SPATA13: variants seen among roughly 807,000 people sequenced by gnomAD.
SPATA13 encodes spermatogenesis associated 13, also known as spermatogenesis-associated protein 13.
Under a neutral mutation model 104.0 loss-of-function variants are expected in SPATA13, and 50 were observed. The ratio of observed to expected loss-of-function variants is 0.48; its 90% CI spans 0.38 to 0.61. The LOEUF is 0.61. SPATA13 is among the 20% of genes least tolerant of loss of function. The pLI is 0.00. For missense variants in SPATA13, 1,524 were observed against 1,690.6 expected (o/e 0.90, Z 1.73); for synonymous variants, 606 against 667.5 (o/e 0.91, Z 1.42).
At chr13:24,009,193 C>G (rs1196380055) in intron 2 of SPATA13, among the ~76,000 whole-genome samples, 1 of 152,204 alleles carries the variant, frequency 6.6e-6, no homozygotes, top group Non-Finnish European at 1.5e-5. Flanking sequence ...CAGTGCATCC[C>G]AGACATCACC....
At chr13:24,198,275 G>C (rs1282121899) in intron 1 of SPATA13, among the ~76,000 whole-genome samples, 5 of 152,122 alleles carry the variant, frequency 3.3e-5, no homozygotes, top group Admixed American at 3.3e-4. Context: ...TTACAGGCGT[G>C]AGCCACCGCA....
intron 2 of SPATA13, among the ~76,000 whole-genome samples, chr13:24,001,016 G>C (rs1210767169): frequency 6.6e-6 from 1 of 152,106 alleles, no homozygotes; most frequent in East Asian, 1.9e-4. Flanking sequence ...GTTCTTGGCT[G>C]CTGTGCTCTG....
intron 3 of SPATA13, among the ~76,000 whole-genome samples, chr13:24,142,244 A>G (rs571375276): frequency 6.6e-6 from 1 of 152,126 alleles, no homozygotes; most frequent in East Asian, 1.9e-4. Context: ...CAGGATATTA[A>G]CATGCATACA....
intron 3 of SPATA13, among the ~76,000 whole-genome samples, chr13:24,031,318 A>T (rs1877472757): frequency 1.3e-5 from 2 of 152,182 alleles, no homozygotes; most frequent in Non-Finnish European, 2.9e-5. Flanking sequence ...ACTCCCTTCC[A>T]TTGGTTTCTT....
chr13:24,017,818 C>A, intron 3 of SPATA13: 1 of 450,412 alleles, frequency 2.2e-6, no homozygotes, highest in Non-Finnish European at 2.9e-6. Flanking sequence ...CATATGTTAC[C>A]TCTGTAACAT....
intron 2 of SPATA13, among the ~76,000 whole-genome samples, chr13:24,233,446 A>G (rs1872390989): frequency 6.6e-6 from 1 of 152,102 alleles, no homozygotes; most frequent in African/African-American, 2.4e-5. Context: ...TCTTTGTGCT[A>G]GTTTATGTTC....
At chr13:24,207,316 A>G (rs956728260) in intron 1 of SPATA13, among the ~76,000 whole-genome samples, 2 of 152,220 alleles carry the variant, frequency 1.3e-5, no homozygotes, top group African/African-American at 2.4e-5. Flanking sequence ...GCAAACCACC[A>G]TGGCATACGT....
chr13:24,123,703 C>T (rs1276784458), intron 3 of SPATA13: 10 of 1,566,606 alleles, frequency 6.4e-6, no homozygotes, highest in Non-Finnish European at 8.8e-6. Context: ...TGCCAAAGTT[C>T]CTCATCAGCA....
chr13:23,985,737 G>C (rs1360767493), intron 2 of SPATA13, among the ~76,000 whole-genome samples: 1 of 152,224 alleles, frequency 6.6e-6, no homozygotes, highest in Non-Finnish European at 1.5e-5. Context: ...GACTGCCTGA[G>C]TGTTCATTTC....
intron 1 of SPATA13, among the ~76,000 whole-genome samples, chr13:24,211,592 C>T (rs748017907): frequency 1.3e-5 from 2 of 152,194 alleles, no homozygotes; most frequent in South Asian, 2.1e-4. Flanking sequence ...GGTGCATCTC[C>T]GTTGGACCCA....
chr13:24,008,222 A>T (rs1356946132), intron 2 of SPATA13, among the ~76,000 whole-genome samples: 1 of 152,234 alleles, frequency 6.6e-6, no homozygotes, highest in Non-Finnish European at 1.5e-5. Flanking sequence ...AAAGCTCTTG[A>T]TGATCAGACC....
At chr13:24,222,447 G>A (rs1438655864) in intron 1 of SPATA13, among the ~76,000 whole-genome samples, 1 of 151,122 alleles carries the variant, frequency 6.6e-6, no homozygotes, top group Non-Finnish European at 1.5e-5. Flanking sequence ...TCGTTGTGAG[G>A]TTTTCTTTTG....
chr13:24,038,830 A>G (rs1465022836), intron 3 of SPATA13, among the ~76,000 whole-genome samples: 2 of 152,218 alleles, frequency 1.3e-5, no homozygotes, highest in African/African-American at 4.8e-5. Context: ...ACATCAAAAA[A>G]TTGGGTGGAA....
At chr13:24,025,053 C>T (rs951453194) in intron 3 of SPATA13, among the ~76,000 whole-genome samples, 1 of 151,462 alleles carries the variant, frequency 6.6e-6, no homozygotes, top group East Asian at 1.9e-4. Flanking sequence ...ATCTAAAGTT[C>T]CCTGCTTATT....
chr13:24,149,166 G>A (rs562921096), intron 3 of SPATA13, among the ~76,000 whole-genome samples: 3 of 152,330 alleles, frequency 2.0e-5, no homozygotes, highest in South Asian at 4.1e-4. Context: ...ACACTGGGTC[G>A]TTTTCCACAT....
intron 1 of SPATA13, among the ~76,000 whole-genome samples, chr13:24,204,574 T>A (rs1030488769): frequency 2.6e-5 from 4 of 152,182 alleles, no homozygotes; most frequent in Non-Finnish European, 4.4e-5. Flanking sequence ...AAACTGAATG[T>A]CCATACTCAT....
chr13:24,000,670 G>A (rs1444432613), intron 2 of SPATA13, among the ~76,000 whole-genome samples: 2 of 152,176 alleles, frequency 1.3e-5, no homozygotes, highest in Non-Finnish European at 2.9e-5. Context: ...GGGGAAAGAG[G>A]CTTGTGTTCA....
At chr13:24,157,276 G>A (rs1303760585), upstream of SPATA13, among the ~76,000 whole-genome samples, 1 of 141,330 alleles carries the variant, frequency 7.1e-6, no homozygotes, top group Non-Finnish European at 1.6e-5. Context: ...AACCAGTCAG[G>A]TAACTCCTTT....
At chr13:24,172,508 T>C (rs889160278) in intron 1 of SPATA13, among the ~76,000 whole-genome samples, 2 of 152,262 alleles carry the variant, frequency 1.3e-5, no homozygotes, top group Non-Finnish European at 2.9e-5. Flanking sequence ...GTTAAGTCCA[T>C]GATCCATTCA....
Sources: gnomAD v4.1 joint callset for allele counts (sites outside exome capture counted in the v4.1 genomes callset) on GRCh38, gnomAD v4.1.1 for gene constraint, MANE v1.5 for transcripts, NCBI Gene and HGNC (gene_info 2026-07-23, HGNC 2026-07-21) for gene names.